Variants in CTNNA3 observed in about 807,000 individuals in gnomAD.
CTNNA3 encodes the protein catenin alpha 3, also known as catenin alpha-3.
CTNNA3 carries 76 observed loss-of-function variants against 95.7 expected under a neutral mutation model. That is an observed-to-expected ratio of 0.79 (90% confidence interval 0.66 to 0.96). CTNNA3 has a LOEUF of 0.96. Among genes scored for constraint, CTNNA3 ranks in the 40% least tolerant of loss-of-function variants. The probability of loss-of-function intolerance (pLI) is 0.00; values close to 1 mark genes in which losing one functional copy is unlikely to be tolerated. For synonymous variants in CTNNA3, 431 were observed against 374.4 expected (o/e 1.15, Z -1.74); for missense variants, 1,191 against 1,089.8 (o/e 1.09, Z -1.31).
At position 66,182,290 on chromosome 10, in the gene CTNNA3, C is replaced by CT; in HGVS notation, c.1885-79042dup. Among the ~76,000 whole-genome samples, 5 of 146,658 alleles carry CT rather than the reference C, an allele frequency of 3.4e-5. 1 individual carries two copies. In the South Asian group the frequency reaches 1.1e-3, roughly 31 times the overall value. On this transcript the variant is annotated intron_variant, in intron 13 of 17. Transcript: ENST00000433211. ...TTTTTTTTTGAGACGGAGTCTCGCT[C>CT]TATCGCCCAGGCTGGAGTGCAGTGG... is the stretch of plus-strand genomic sequence containing the variant.
chr10:66,818,859 G>A (rs1440831374), intron 7 of CTNNA3, among the ~76,000 whole-genome samples: 1 of 152,086 alleles, frequency 6.6e-6, no homozygotes, highest in African/African-American at 2.4e-5. Flanking sequence ...GGAGGCCAAG[G>A]TAGGCGGATC....
At chr10:67,121,693 C>T (rs1859468411) in intron 7 of CTNNA3, among the ~76,000 whole-genome samples, 2 of 151,758 alleles carry the variant, frequency 1.3e-5, no homozygotes, top group South Asian at 4.1e-4. Context: ...CAAGCAAGTA[C>T]TGGGCATGAA....
At chr10:66,510,794 G>A (rs1204189473) in intron 11 of CTNNA3, among the ~76,000 whole-genome samples, 2 of 151,718 alleles carry the variant, frequency 1.3e-5, no homozygotes, top group African/African-American at 2.4e-5. Context: ...CTATTTTCTA[G>A]TATTTGGTTG....
intron 16 of CTNNA3, among the ~76,000 whole-genome samples, chr10:65,973,526 G>A (rs1474055455): frequency 6.6e-6 from 1 of 152,086 alleles, no homozygotes; most frequent in Non-Finnish European, 1.5e-5. Flanking sequence ...TTAAAAATGG[G>A]TAAATGGTAC....
chr10:67,190,832 T>G (rs958651209), intron 6 of CTNNA3, among the ~76,000 whole-genome samples: 5 of 152,170 alleles, frequency 3.3e-5, no homozygotes, highest in Non-Finnish European at 5.9e-5. Flanking sequence ...GAGACAATAT[T>G]TGTAAAAGGC....
At chr10:67,077,941 T>C (rs1856819094) in intron 7 of CTNNA3, among the ~76,000 whole-genome samples, 1 of 152,204 alleles carries the variant, frequency 6.6e-6, no homozygotes, top group African/African-American at 2.4e-5. Context: ...AGAATATAAG[T>C]GATTTACAAC....
intron 7 of CTNNA3, among the ~76,000 whole-genome samples, chr10:67,036,298 T>C (rs1296835329): frequency 6.6e-6 from 1 of 151,610 alleles, no homozygotes. Flanking sequence ...AGACAGAGTT[T>C]TGCTCTTGTT....
At chr10:67,725,959 T>C (rs953391945) in intron 1 of CTNNA3, among the ~76,000 whole-genome samples, 1 of 133,506 alleles carries the variant, frequency 7.5e-6, no homozygotes, top group East Asian at 2.0e-4. Context: ...TATGTATATA[T>C]AATATATATG....
intron 9 of CTNNA3, among the ~76,000 whole-genome samples, chr10:66,637,861 C>T (rs1342760694): frequency 2.0e-5 from 3 of 152,148 alleles, no homozygotes; most frequent in Admixed American, 6.5e-5. Context: ...CCCTCCTGCC[C>T]CTGGCTGCCA....
intron 9 of CTNNA3, among the ~76,000 whole-genome samples, chr10:66,641,593 C>T (rs1267938477): frequency 6.6e-6 from 1 of 152,096 alleles, no homozygotes; most frequent in African/African-American, 2.4e-5. Context: ...AACTTGGAAA[C>T]TGAAGACAAG....
In CTNNA3 at chr10:67,219,794, T is replaced by C. The variant is rs1399296498; in HGVS notation, c.656A>G (p.His219Arg). 2 of 1,614,118 alleles carry C rather than the reference T, an allele frequency of 1.2e-6. No individual in the cohort carries two copies. The highest frequency in any genetic ancestry group is 1.7e-6 in the Non-Finnish European group (2 of 1,179,996). The change falls in exon 6 of 18, where the codon CAT (histidine) becomes CGT (arginine). Residue 219 changes from histidine to arginine, a missense_variant. His to Arg is a conservative substitution (Grantham distance 29). Transcript: ENST00000433211. Reference protein sequence around the residue: ...ASLKENSPLLHSICSACLEHS... With the variant: ...ASLKENSPLLRSICSACLEHS... ...CTCCAAACAAGCTGAACAAATTGAA[T>C]GCAAGAGGGGAGAGTTCTCCTTCAG...
chr10:67,371,477 G>A (rs1843462688), intron 5 of CTNNA3, among the ~76,000 whole-genome samples: 2 of 150,744 alleles, frequency 1.3e-5, no homozygotes. Flanking sequence ...AGAACATGTG[G>A]TGTTTGGTTT....
chr10:66,245,795 A>G (rs2090295067), intron 13 of CTNNA3, among the ~76,000 whole-genome samples: 1 of 152,224 alleles, frequency 6.6e-6, no homozygotes, highest in Non-Finnish European at 1.5e-5. Context: ...AGAGGAGGCC[A>G]TAAAGTGGGC....
At chr10:67,134,097 A>G (rs955564517) in intron 7 of CTNNA3, among the ~76,000 whole-genome samples, 3 of 152,144 alleles carry the variant, frequency 2.0e-5, no homozygotes, top group Non-Finnish European at 4.4e-5. Flanking sequence ...AGCCTGTGTA[A>G]TTCCAAAGCA....
intron 7 of CTNNA3, chr10:66,926,054 C>T (rs1440876177): frequency 2.2e-6 from 1 of 457,026 alleles, no homozygotes; most frequent in Non-Finnish European, 4.4e-6. Flanking sequence ...GAGCAGCTTT[C>T]AGAATGACAG....
intron 7 of CTNNA3, among the ~76,000 whole-genome samples, chr10:66,944,526 A>G (rs1848182654): frequency 6.6e-6 from 1 of 152,146 alleles, no homozygotes; most frequent in African/African-American, 2.4e-5. Context: ...ACTTCCTCTC[A>G]TGAATCACGA....
At chr10:66,047,664 C>T (rs771655068) in intron 15 of CTNNA3, among the ~76,000 whole-genome samples, 2 of 152,098 alleles carry the variant, frequency 1.3e-5, no homozygotes, top group African/African-American at 2.4e-5. Context: ...AAAGGGCACC[C>T]AAATAGGAAG....
chr10:67,651,036 C>G (rs951313), intron 1 of CTNNA3, among the ~76,000 whole-genome samples: 13,069 of 151,858 alleles, frequency 0.086, 1,300 homozygotes, highest in African/African-American at 0.24. Flanking sequence ...AATTCTTTTA[C>G]ATAAGTTGTC....
At chr10:66,796,574 C>T (rs942880537) in intron 7 of CTNNA3, among the ~76,000 whole-genome samples, 10 of 152,102 alleles carry the variant, frequency 6.6e-5, no homozygotes, top group Middle Eastern at 3.4e-3. Context: ...CGAGTTTATG[C>T]TGTTGGAAAA....
Sources: gnomAD v4.1 joint callset for allele counts (sites outside exome capture counted in the v4.1 genomes callset) on GRCh38, gnomAD v4.1.1 for gene constraint, MANE v1.5 for transcripts, NCBI Gene and HGNC (gene_info 2026-07-23, HGNC 2026-07-21) for gene names.